The following GSE1 variants were observed in gnomAD, a reference collection of about 807,000 sequenced individuals.
GSE1 encodes genetic suppressor element 1.
Under a neutral mutation model 112.6 loss-of-function variants are expected in GSE1, and 32 were observed. The observed-to-expected ratio is 0.28, with a 90% CI of 0.21 to 0.38. GSE1 has a LOEUF of 0.38. GSE1 is among the 10% of genes least tolerant of loss of function. GSE1 has a pLI of 1.00. For missense variants in GSE1, 2,348 were observed against 1,699.2 expected (o/e 1.38, Z -6.71); for synonymous variants, 1,115 against 735.6 (o/e 1.52, Z -8.35).
At chr16:85,613,167 C>G, upstream of GSE1, 5 of 1,379,490 alleles carry the variant, frequency 3.6e-6, no homozygotes, top group Non-Finnish European at 9.4e-7. Flanking sequence ...GTCAGGGAGC[C>G]GGGAGCGAGC....
chr16:85,307,439 G>A (rs759031950), intron 1 of GSE1, among the ~76,000 whole-genome samples: 1 of 152,202 alleles, frequency 6.6e-6, no homozygotes, highest in Non-Finnish European at 1.5e-5. Flanking sequence ...AGAACTGGCA[G>A]CCGAAAGCTG....
chr16:85,362,160 G>T (rs1187846358), intron 2 of GSE1, among the ~76,000 whole-genome samples: 6 of 152,222 alleles, frequency 3.9e-5, no homozygotes, highest in Non-Finnish European at 5.9e-5. Flanking sequence ...GACTGACCAG[G>T]CATCTTCAGC....
chr16:85,437,217 C>T (rs2049269660), intron 2 of GSE1, among the ~76,000 whole-genome samples: 1 of 152,170 alleles, frequency 6.6e-6, no homozygotes, highest in South Asian at 2.1e-4. Context: ...CCGCCGGGCT[C>T]CCCAAGGAGG....
At chr16:85,254,789 A>G (rs1906885058) in intron 1 of GSE1, among the ~76,000 whole-genome samples, 1 of 152,216 alleles carries the variant, frequency 6.6e-6, no homozygotes, top group Non-Finnish European at 1.5e-5. Context: ...GGTCCCAGTC[A>G]GGGGCAGGAG....
intron 14 of GSE1, among the ~76,000 whole-genome samples, chr16:85,669,916 T>C (rs1022305159): frequency 5.3e-5 from 8 of 152,166 alleles, no homozygotes; most frequent in South Asian, 2.1e-4. Context: ...GCTGACCCCC[T>C]CTTCTCTCAG....
intron 2 of GSE1, among the ~76,000 whole-genome samples, chr16:85,644,155 C>G (rs2050666526): frequency 6.6e-6 from 1 of 152,096 alleles, no homozygotes; most frequent in Admixed American, 6.5e-5. Flanking sequence ...CAGCGAGACC[C>G]TGTCTCTACC....
At chr16:85,182,387 G>A (rs143970686) in intron 1 of GSE1, among the ~76,000 whole-genome samples, 2 of 152,350 alleles carry the variant, frequency 1.3e-5, no homozygotes, top group Non-Finnish European at 2.9e-5. Context: ...GTGGCCTCAC[G>A]TGTGAGCCCC....
At chr16:85,262,459 C>G (rs1252646205) in intron 1 of GSE1, among the ~76,000 whole-genome samples, 1 of 152,234 alleles carries the variant, frequency 6.6e-6, no homozygotes, top group Non-Finnish European at 1.5e-5. Context: ...GCATCATCGT[C>G]ACGGCCCTGA....
At chr16:85,497,514 G>A (rs913991875) in intron 2 of GSE1, among the ~76,000 whole-genome samples, 3 of 152,148 alleles carry the variant, frequency 2.0e-5, no homozygotes, top group Admixed American at 6.5e-5. Context: ...TCCCTGAGAG[G>A]CACCCCGCTC....
At chr16:85,626,782 G>T (rs1056108725) in intron 1 of GSE1, among the ~76,000 whole-genome samples, 1 of 152,138 alleles carries the variant, frequency 6.6e-6, no homozygotes, top group Non-Finnish European at 1.5e-5. Flanking sequence ...GCGGGAGGCC[G>T]GGAGGGCGGC....
chr16:85,245,933 G>A (rs1196997277), intron 1 of GSE1, among the ~76,000 whole-genome samples: 1 of 151,172 alleles, frequency 6.6e-6, no homozygotes, highest in African/African-American at 2.4e-5. Context: ...GGAGGTGTCT[G>A]CGTGTGTTAG....
At chr16:85,177,345 C>T (rs1039541932) in intron 1 of GSE1, among the ~76,000 whole-genome samples, 2 of 152,222 alleles carry the variant, frequency 1.3e-5, no homozygotes, top group African/African-American at 4.8e-5. Context: ...ACCCCGCATA[C>T]AGAATTCAGG....
chr16:85,366,544 T>C (rs2047189264), intron 2 of GSE1, among the ~76,000 whole-genome samples: 4 of 152,236 alleles, frequency 2.6e-5, no homozygotes, highest in Admixed American at 6.5e-5. Flanking sequence ...GCTCTTTCCT[T>C]GTAAGTGGGT....
intron 1 of GSE1, among the ~76,000 whole-genome samples, chr16:85,338,938 G>A (rs1251868380): frequency 6.6e-6 from 1 of 152,232 alleles, no homozygotes; most frequent in Non-Finnish European, 1.5e-5. Context: ...CTGGCCCGCA[G>A]CAGGCAGAAG....
intron 1 of GSE1, among the ~76,000 whole-genome samples, chr16:85,633,385 G>C (rs1428160549): frequency 1.3e-5 from 2 of 152,320 alleles, no homozygotes; most frequent in Non-Finnish European, 2.9e-5. Context: ...GTAACGTGGG[G>C]CAGAACTCCC....
intron 2 of GSE1, among the ~76,000 whole-genome samples, chr16:85,456,967 C>A (rs984874865): frequency 2.0e-5 from 3 of 152,172 alleles, no homozygotes; most frequent in Admixed American, 2.0e-4. Context: ...GAGACCAACT[C>A]CCGACAGAAG....
At chr16:85,455,400 A>AGG in intron 2 of GSE1, among the ~76,000 whole-genome samples, 1 of 152,104 alleles carries the variant, frequency 6.6e-6, no homozygotes, top group Middle Eastern at 3.4e-3. Context: ...AGAGAGAGAG[A>AGG]GAGAAAGAAA....
chr16:85,447,162 G>A (rs1334780384), intron 2 of GSE1, among the ~76,000 whole-genome samples: 3 of 152,098 alleles, frequency 2.0e-5, no homozygotes, highest in Admixed American at 6.5e-5. Flanking sequence ...GGGCCATGCC[G>A]GGCCCACCTT....
intron 2 of GSE1, among the ~76,000 whole-genome samples, chr16:85,389,905 GC>G (rs890162086): frequency 1.3e-5 from 2 of 152,176 alleles, no homozygotes; most frequent in Non-Finnish European, 1.5e-5. Context: ...GCGGATCTGG[GC>G]AATGAGGCCT....
Sources: gnomAD v4.1 joint callset for allele counts (sites outside exome capture counted in the v4.1 genomes callset) on GRCh38, gnomAD v4.1.1 for gene constraint, MANE v1.5 for transcripts, NCBI Gene and HGNC (gene_info 2026-07-23, HGNC 2026-07-21) for gene names.